The following FAT3 variants were observed in gnomAD, a reference collection of about 807,000 sequenced individuals.
The protein encoded by FAT3 is FAT atypical cadherin 3, also known as protocadherin Fat 3.
FAT3 carries 95 observed loss-of-function variants against 310.2 expected under a neutral mutation model. The ratio of observed to expected loss-of-function variants is 0.31; its 90% confidence interval spans 0.26 to 0.36. FAT3 has a LOEUF of 0.36. Ranked by LOEUF, FAT3 falls within the 10% of genes least tolerant of loss-of-function variation. FAT3 has a pLI of 1.00. For missense variants in FAT3, 5,408 were observed against 5,715.6 expected (o/e 0.95, Z 1.74); for synonymous variants, 2,314 against 2,192.9 (o/e 1.06, Z -1.54).
chr11:92,812,061 A>G (rs757437083), intron 13 of FAT3, among the ~76,000 whole-genome samples: 2 of 152,190 alleles, frequency 1.3e-5, no homozygotes, highest in Non-Finnish European at 2.9e-5. Flanking sequence ...GCTGCAATCA[A>G]ATGAATGCTG....
intron 3 of FAT3, among the ~76,000 whole-genome samples, chr11:92,570,180 A>G (rs1184292606): frequency 6.6e-6 from 1 of 152,176 alleles, no homozygotes; most frequent in East Asian, 1.9e-4. Context: ...TTTAAGTTGA[A>G]TTCACTCCTG....
In FAT3 at chr11:92,230,514, G is replaced by A. The variant is rs146280934; in HGVS notation, c.-18+5340G>A. 5.0e-3 allele frequency among the ~76,000 whole-genome samples: 754 copies of A among 152,140 alleles called. 3 individuals carry two copies. Among genetic ancestry groups the A allele is most frequent in the African/African-American group, 0.017 (726 of 41,504 alleles). On this transcript the variant is annotated intron_variant, in intron 1 of 27. Transcript: ENST00000525166. Reference sequence around the variant, plus strand: ...TCACCATGTTGGCCAGGCTGGTCTCGAACTCCTGGCCTCAAGTGATCCACC... The same window carrying A: ...TCACCATGTTGGCCAGGCTGGTCTCAAACTCCTGGCCTCAAGTGATCCACC...
chr11:92,439,114 A>G (rs906293580), intron 2 of FAT3, among the ~76,000 whole-genome samples: 3 of 152,144 alleles, frequency 2.0e-5, no homozygotes, highest in Non-Finnish European at 2.9e-5. Flanking sequence ...TTCAAAATCA[A>G]TTTCATTCTG....
Position 92,890,687 on chromosome 11 carries a change from G to A in FAT3, c.13344G>A (p.Gln4448=), listed in dbSNP as rs747223374. The A allele has an allele frequency of 3.1e-6, 5 of 1,613,682 alleles. No individual in the cohort carries two copies. Among genetic ancestry groups the A allele is most frequent in the Non-Finnish European group, 4.2e-6 (5 of 1,179,820 alleles). ...PPPHEEEFLS[Q]DQLPPPLPED... ...CTCATGAAGAGGAGTTCTTGAGTCA[G>A]GACCAGCTGCCTCCTCCTCTCCCGG... The change falls in exon 28 of 28, where the codon CAG becomes CAA. Residue 4448 remains glutamine, a synonymous_variant. Transcript: ENST00000525166.
chr11:92,475,381 G>A (rs1348546227), intron 2 of FAT3, among the ~76,000 whole-genome samples: 1 of 152,012 alleles, frequency 6.6e-6, no homozygotes, highest in Admixed American at 6.6e-5. Context: ...TTGGGTCACT[G>A]ATGAACAATA....
chr11:92,239,924 G>A (rs1224709870), intron 1 of FAT3, among the ~76,000 whole-genome samples: 1 of 152,074 alleles, frequency 6.6e-6, no homozygotes, highest in Admixed American at 6.6e-5. Context: ...TCATGGAAGA[G>A]GACTTACTGA....
chr11:92,890,402 T>G, intron 27 of FAT3, 89 bp from the exon 28 acceptor site: 1 of 1,442,054 alleles, frequency 6.9e-7, no homozygotes. Flanking sequence ...TGCTAAAAAT[T>G]GCATGTCAGG....
At chr11:92,783,231 G>A (rs531355761) in intron 7 of FAT3, among the ~76,000 whole-genome samples, 2 of 151,828 alleles carry the variant, frequency 1.3e-5, no homozygotes, top group South Asian at 2.1e-4. Context: ...GGTGGAATGC[G>A]CCTGTAGTGC....
rs375004496 is a variant in FAT3 at position 92,608,512 on chromosome 11, C to T, written c.3607+83564C>T. 5.3e-5 allele frequency among the ~76,000 whole-genome samples: 8 copies of T among 152,014 alleles called. No homozygotes were observed. The East Asian group carries it at 1.6e-3, about 29-fold the overall frequency. On this transcript the variant is annotated intron_variant, in intron 3 of 27. Coordinates refer to ENST00000525166, the MANE Select transcript of FAT3 (RefSeq NM_001367949.2). ...GAGTTTGCAGGTTATATATTTTCTG[C>T]TTGTTTCTTCTTCTTGCATCATGCT... is the stretch of plus-strand genomic sequence containing the variant.
chr11:92,454,128 G>A (rs1334305766), intron 2 of FAT3, among the ~76,000 whole-genome samples: 1 of 152,030 alleles, frequency 6.6e-6, no homozygotes, highest in Non-Finnish European at 1.5e-5. Context: ...TACATTATTT[G>A]CCTACTAAGT....
chr11:92,379,664 G>C (rs184798769), intron 2 of FAT3, among the ~76,000 whole-genome samples: 2 of 146,632 alleles, frequency 1.4e-5, no homozygotes, highest in African/African-American at 5.4e-5. Flanking sequence ...TGGATTTGGC[G>C]TACTCATCTC....
chr11:92,734,705 T>C (rs1473905084), intron 4 of FAT3, among the ~76,000 whole-genome samples: 1 of 151,988 alleles, frequency 6.6e-6, no homozygotes, highest in Non-Finnish European at 1.5e-5. Flanking sequence ...AAAGGAACAA[T>C]GTATATATTC....
intron 3 of FAT3, among the ~76,000 whole-genome samples, chr11:92,629,237 G>A (rs1483416099): frequency 6.6e-6 from 1 of 152,126 alleles, no homozygotes; most frequent in African/African-American, 2.4e-5. Flanking sequence ...GTAGCAGTGG[G>A]AAAATTCAGT....
At chr11:92,846,335 G>A (rs1242527519) in intron 19 of FAT3, among the ~76,000 whole-genome samples, 2 of 152,182 alleles carry the variant, frequency 1.3e-5, no homozygotes, top group African/African-American at 4.8e-5. Context: ...AAAAGATACA[G>A]TTACTGCCCT....
intron 2 of FAT3, among the ~76,000 whole-genome samples, chr11:92,452,262 A>G (rs889421786): frequency 1.3e-5 from 2 of 152,146 alleles, no homozygotes; most frequent in African/African-American, 4.8e-5. Flanking sequence ...CCTTTATTTC[A>G]TGGTGTGGGA....
chr11:92,335,868 A>C (rs9666081), intron 1 of FAT3, among the ~76,000 whole-genome samples: 4,054 of 152,302 alleles, frequency 0.027, 196 homozygotes, highest in African/African-American at 0.092. Context: ...AATCAATCCC[A>C]AAATCAAACA....
intron 3 of FAT3, among the ~76,000 whole-genome samples, chr11:92,570,864 G>A (rs7948032): frequency 6.6e-6 from 1 of 152,040 alleles, no homozygotes; most frequent in African/African-American, 2.4e-5. Context: ...TATGATTTCA[G>A]TGTCAAAGTG....
At chr11:92,841,595 G>A (rs1302074208) in intron 18 of FAT3, among the ~76,000 whole-genome samples, 3 of 152,158 alleles carry the variant, frequency 2.0e-5, no homozygotes, top group South Asian at 2.1e-4. Context: ...CAACAATATT[G>A]TGTAAATAAT....
rs1160353621 is a variant in FAT3, at chr11:92,491,722, T to A, written c.3293-32912T>A. On this transcript the variant is annotated intron_variant, in intron 2 of 27. Coordinates refer to ENST00000525166, the MANE Select transcript of FAT3 (RefSeq NM_001367949.2). ...TCACATTAAGAGTAGAATTGTAAAT[T>A]CGTTTTGTTCCTGAGGATAATTCTT... is the stretch of plus-strand genomic sequence containing the variant. 3.9e-5 allele frequency among the ~76,000 whole-genome samples: 6 copies of A among 152,198 alleles called. No individual in the cohort carries two copies. The East Asian group carries it at 9.7e-4, about 25-fold the overall frequency.
Sources: allele counts gnomAD v4.1 joint callset (sites outside exome capture counted in the v4.1 genomes callset), GRCh38; gene constraint gnomAD v4.1.1; transcripts MANE v1.5; gene names NCBI Gene and HGNC (gene_info 2026-07-23, HGNC 2026-07-21).